FRMPD2: variants seen among roughly 807,000 people sequenced by gnomAD.
The protein encoded by FRMPD2 is FERM and PDZ domain containing 2, also known as FERM and PDZ domain-containing protein 2.
A neutral mutation model predicts 140.1 loss-of-function variants in FRMPD2; 96 were observed. The observed-to-expected ratio is 0.69, with a 90% CI of 0.58 to 0.81. The LOEUF (loss-of-function observed/expected upper bound fraction) is 0.81, where lower values mean the gene tolerates loss of function less well. Ranked by LOEUF, FRMPD2 falls within the 40% of genes least tolerant of loss-of-function variation. FRMPD2 has a pLI of 0.00. For synonymous variants in FRMPD2, 449 were observed against 547.6 expected, an observed-to-expected ratio of 0.82 and a Z score of 2.52; for missense variants, 1,240 against 1,447.4, an observed-to-expected ratio of 0.86 and a Z score of 2.32.
intron 1 of FRMPD2, among the ~76,000 whole-genome samples, chr10:48,252,914 G>GT (rs1016326728): frequency 3.2e-4 from 44 of 138,974 alleles, no homozygotes; most frequent in South Asian, 7.0e-4. Flanking sequence ...CTTTTCTTTC[G>GT]TTTTTTTATC....
intron 8 of FRMPD2, 136 bp downstream of exon 8, chr10:48,237,855 A>T: frequency 9.4e-7 from 1 of 1,066,826 alleles, no homozygotes; most frequent in African/African-American, 1.6e-5. Context: ...GGTTTATGTT[A>T]GTCCAATCCT....
At chr10:48,192,067 T>A (rs760231887) in intron 16 of FRMPD2, among the ~76,000 whole-genome samples, 4 of 152,212 alleles carry the variant, frequency 2.6e-5, no homozygotes, top group Non-Finnish European at 5.9e-5. Context: ...TAAGGCCAAA[T>A]AGGCTTATTG....
intron 27 of FRMPD2, among the ~76,000 whole-genome samples, chr10:48,166,512 T>C (rs4838564): frequency 1.2e-4 from 15 of 122,720 alleles, no homozygotes; most frequent in African/African-American, 1.6e-4. Flanking sequence ...TGCAGGATGG[T>C]GGCATCATGC....
In FRMPD2 at chr10:48,238,141, A is replaced by C. The variant is rs759523530; in HGVS notation, c.789-18T>G. The C allele has an allele frequency of 1.9e-6, 3 of 1,605,260 alleles. No individual in the cohort carries two copies. The Admixed American group carries it at 5.0e-5, about 27-fold the overall frequency. On this transcript the variant is annotated intron_variant, in intron 7 of 28. Transcript: ENST00000374201. Reference sequence around the variant, plus strand: ...GAAGAGCGCTGGCCAGGGGTTGAGAAGGGGTGAAGCACTTAGCAATGGCAA... The same window carrying C: ...GAAGAGCGCTGGCCAGGGGTTGAGACGGGGTGAAGCACTTAGCAATGGCAA...
At chr10:48,201,140 C>T in intron 15 of FRMPD2, 88 bp downstream of exon 15, 1 of 971,594 alleles carries the variant, frequency 1.0e-6, no homozygotes, top group Non-Finnish European at 1.4e-6. Context: ...ATTAGAGGTC[C>T]CCAGATCAAT....
chr10:48,183,323 T>C (rs573056166), intron 20 of FRMPD2, among the ~76,000 whole-genome samples: 28 of 152,238 alleles, frequency 1.8e-4, no homozygotes, highest in Admixed American at 3.3e-4. Flanking sequence ...AAAAGCAGCA[T>C]TGGTCTCAGG....
At chr10:48,167,535 G>A (rs1322788829) in intron 27 of FRMPD2, among the ~76,000 whole-genome samples, 2 of 110,926 alleles carry the variant, frequency 1.8e-5, no homozygotes, top group Non-Finnish European at 1.9e-5. Context: ...CCTGTTTATA[G>A]CTGCACATTG....
chr10:48,236,309 G>T (rs1245017651), intron 9 of FRMPD2, among the ~76,000 whole-genome samples, 173 bp downstream of exon 9: 1 of 152,162 alleles, frequency 6.6e-6, no homozygotes, highest in Non-Finnish European at 1.5e-5. Context: ...TTAACAGGCT[G>T]AAGGGAAAAC....
intron 12 of FRMPD2, among the ~76,000 whole-genome samples, chr10:48,216,841 C>T (rs1839462079): frequency 1.3e-5 from 2 of 152,236 alleles, no homozygotes; most frequent in South Asian, 4.1e-4. Flanking sequence ...CACTGGGACA[C>T]TCCTGGCTTA....
intron 24 of FRMPD2, among the ~76,000 whole-genome samples, chr10:48,174,540 A>T (rs1327446190): frequency 6.6e-6 from 1 of 151,852 alleles, no homozygotes; most frequent in Non-Finnish European, 1.5e-5. Flanking sequence ...GGGCTGGGGC[A>T]GCCAGAGCCA....
chr10:48,232,334 T>C (rs1839871541), intron 9 of FRMPD2, 45 bp from the exon 10 acceptor site: 1 of 1,454,544 alleles, frequency 6.9e-7, no homozygotes, highest in African/African-American at 1.4e-5. Flanking sequence ...TATAAGTCAT[T>C]GAGCCTTTAG....
chr10:48,222,358 C>T lies in FRMPD2; in HGVS notation c.1410G>A (p.Leu470=), dbSNP rs750284865. ...ACTCAGCCTGCAAGGCAAGGACCCCCAGCTGCAGCAGTATCTCTTCATTGC... is the reference window on the plus strand; with the variant it reads ...ACTCAGCCTGCAAGGCAAGGACCCCTAGCTGCAGCAGTATCTCTTCATTGC... ...LYCNEEILLQ[L]GVLALQAEFG... The change falls in exon 12 of 29, where the codon CTG becomes CTA. Residue 470 remains leucine (L), a synonymous_variant. Coordinates refer to ENST00000374201, the MANE Select transcript of FRMPD2 (RefSeq NM_001018071.4). The T allele has an allele frequency of 2.5e-6, 4 of 1,614,212 alleles. No individual in the cohort carries two copies. The Admixed American group carries it at 5.0e-5, about 20-fold the overall frequency.
intron 26 of FRMPD2, among the ~76,000 whole-genome samples, chr10:48,170,339 C>G (rs1214098950): frequency 6.6e-6 from 1 of 152,182 alleles, no homozygotes; most frequent in Admixed American, 6.5e-5. Flanking sequence ...AGAGCTCATG[C>G]CAGCGAGTCC....
chr10:48,246,273 A>G (rs1337378429), intron 3 of FRMPD2, among the ~76,000 whole-genome samples: 1 of 152,242 alleles, frequency 6.6e-6, no homozygotes, highest in Admixed American at 6.5e-5. Context: ...ACTGAAGTGC[A>G]GACAGAGCTC....
chr10:48,211,918 A>T, intron 13 of FRMPD2, 36 bp downstream of exon 13: 1 of 1,599,886 alleles, frequency 6.3e-7, no homozygotes, highest in East Asian at 2.2e-5. Context: ...ATTCCCTTGA[A>T]GACCAACACC....
intron 7 of FRMPD2, among the ~76,000 whole-genome samples, chr10:48,239,010 G>GTCTCTCTC (rs372321032): frequency 6.7e-6 from 1 of 150,162 alleles, no homozygotes; most frequent in Non-Finnish European, 1.5e-5. Context: ...CTGTCTCTCT[G>GTCTCTCTC]TCTCTCTCTC....
chr10:48,223,291 G>C, intron 10 of FRMPD2, 21 bp from the exon 11 acceptor site: 1 of 1,604,874 alleles, frequency 6.2e-7, no homozygotes, highest in South Asian at 1.1e-5. Flanking sequence ...AATAGAGCAT[G>C]TGTGGAAGGA....
At chr10:48,273,517 C>T (rs540402609) in intron 1 of FRMPD2, among the ~76,000 whole-genome samples, 2 of 152,186 alleles carry the variant, frequency 1.3e-5, no homozygotes, top group Non-Finnish European at 2.9e-5. Context: ...GTGCTTTTCT[C>T]TGCTTGGGAT....
At chr10:48,225,466 T>C (rs545220001) in intron 10 of FRMPD2, among the ~76,000 whole-genome samples, 1 of 152,348 alleles carries the variant, frequency 6.6e-6, no homozygotes, top group East Asian at 1.9e-4. Flanking sequence ...TCTCCACTGA[T>C]GAACTGATGT....
Sources: gnomAD v4.1 joint callset for allele counts (sites outside exome capture counted in the v4.1 genomes callset) on GRCh38, gnomAD v4.1.1 for gene constraint, MANE v1.5 for transcripts, NCBI Gene and HGNC (gene_info 2026-07-23, HGNC 2026-07-21) for gene names.